COL25A1: variants seen among roughly 807,000 people sequenced by gnomAD.
The protein encoded by COL25A1 is collagen type XXV alpha 1 chain, also known as collagen alpha-1(XXV) chain.
A neutral mutation model predicts 128.4 loss-of-function variants in COL25A1; 103 were observed. The ratio of observed to expected loss-of-function variants is 0.80; its 90% CI spans 0.68 to 0.94. The LOEUF is 0.94. COL25A1 is among the 40% of genes least tolerant of loss of function. The probability of loss-of-function intolerance (pLI) is 0.00; values close to 1 mark genes in which losing one functional copy is unlikely to be tolerated. For synonymous variants in COL25A1, 279 were observed against 277.2 expected (o/e 1.01, Z -0.06); for missense variants, 745 against 840.0 (o/e 0.89, Z 1.40).
chr4:109,280,329 C>T (rs977086629), intron 3 of COL25A1, among the ~76,000 whole-genome samples: 1 of 152,142 alleles, frequency 6.6e-6, no homozygotes, highest in Non-Finnish European at 1.5e-5. Context: ...GATGAGACAG[C>T]GTCATCTATA....
intron 4 of COL25A1, 115 bp downstream of exon 4, chr4:109,050,020 T>C: frequency 5.4e-6 from 4 of 739,030 alleles, no homozygotes; most frequent in South Asian, 4.6e-5. Context: ...CAGAGAAAGA[T>C]TTAAACACAC....
chr4:109,218,280 T>G (rs1046575694), intron 3 of COL25A1, among the ~76,000 whole-genome samples: 46 of 151,384 alleles, frequency 3.0e-4, no homozygotes, highest in African/African-American at 1.1e-3. Flanking sequence ...TTAGGAGACA[T>G]GACTTATTAA....
At chr4:108,850,866 T>C (rs1735685949) in intron 26 of COL25A1, among the ~76,000 whole-genome samples, 1 of 152,144 alleles carries the variant, frequency 6.6e-6, no homozygotes, top group Non-Finnish European at 1.5e-5. Context: ...ATTTTTTACC[T>C]AGGAGGTCCT....
intron 31 of COL25A1, among the ~76,000 whole-genome samples, chr4:108,837,450 G>A (rs1488962317): frequency 6.6e-6 from 1 of 152,136 alleles, no homozygotes; most frequent in African/African-American, 2.4e-5. Context: ...TGGAAAGAAG[G>A]CTGACATAAA....
chr4:109,296,882 A>T (rs1018103086), intron 3 of COL25A1, among the ~76,000 whole-genome samples: 1 of 152,140 alleles, frequency 6.6e-6, no homozygotes, highest in African/African-American at 2.4e-5. Context: ...GTTGAAACAT[A>T]AAAACCTTCT....
intron 3 of COL25A1, among the ~76,000 whole-genome samples, chr4:109,133,946 T>A (rs559227825): frequency 6.6e-6 from 1 of 152,180 alleles, no homozygotes; most frequent in African/African-American, 2.4e-5. Flanking sequence ...CAAAATTCTA[T>A]GTAAACGCAT....
At chr4:109,069,814 C>T (rs1439509469) in intron 3 of COL25A1, among the ~76,000 whole-genome samples, 1 of 152,090 alleles carries the variant, frequency 6.6e-6, no homozygotes, top group Non-Finnish European at 1.5e-5. Context: ...AAGCTGCTGG[C>T]TTCTAAACAT....
intron 24 of COL25A1, chr4:108,853,960 A>C (rs1319505055): frequency 6.6e-6 from 1 of 152,200 alleles, no homozygotes; most frequent in African/African-American, 2.4e-5. Context: ...TATTGTGAAT[A>C]GTGCTGCAAT....
At chr4:109,161,128 C>T (rs1772538604) in intron 3 of COL25A1, among the ~76,000 whole-genome samples, 1 of 152,082 alleles carries the variant, frequency 6.6e-6, no homozygotes, top group African/African-American at 2.4e-5. Flanking sequence ...ATGGCCTCAA[C>T]TATTTTATAT....
At position 108,860,184 on chromosome 4, in the gene COL25A1, T is replaced by A. The variant is rs532825067; in HGVS notation, c.1243-451A>T. 3.0e-4 allele frequency among the ~76,000 whole-genome samples: 45 copies of A among 152,316 alleles called. 1 individual carries two copies. Among genetic ancestry groups the A allele is most frequent in the Admixed American group, 3.9e-4 (6 of 15,302 alleles). On this transcript the variant is annotated intron_variant, in intron 23 of 37. Transcript: ENST00000399132. Reference sequence around the variant, plus strand: ...TGGAATGCAGTAGCGTGATCTCGGCTCACTGCAACCTCTGCCTCCTGTGTT... The same window carrying A: ...TGGAATGCAGTAGCGTGATCTCGGCACACTGCAACCTCTGCCTCCTGTGTT...
intron 3 of COL25A1, among the ~76,000 whole-genome samples, chr4:109,212,406 T>C (rs139492478): frequency 6.6e-6 from 1 of 152,142 alleles, no homozygotes; most frequent in Non-Finnish European, 1.5e-5. Flanking sequence ...ATTATTATGA[T>C]ATAGAGGCTG....
intron 13 of COL25A1, among the ~76,000 whole-genome samples, chr4:108,901,843 T>C (rs6850628): frequency 0.02 from 2,996 of 152,136 alleles, 98 homozygotes; most frequent in African/African-American, 0.066. Flanking sequence ...TGATGATGTA[T>C]ACCAGTCTTT....
intron 36 of COL25A1, among the ~76,000 whole-genome samples, chr4:108,818,022 C>A (rs945636590): frequency 6.6e-6 from 1 of 152,002 alleles, no homozygotes; most frequent in African/African-American, 2.4e-5. Flanking sequence ...CAGCATTTAT[C>A]GATTTCTCTA....
chr4:108,837,586 C>A (rs1002121884), intron 31 of COL25A1, among the ~76,000 whole-genome samples: 1 of 152,268 alleles, frequency 6.6e-6, no homozygotes, highest in South Asian at 2.1e-4. Context: ...ATTTTCAAAA[C>A]AAACAACATA....
chr4:109,084,174 T>C (rs1379319370), intron 3 of COL25A1, among the ~76,000 whole-genome samples: 1 of 152,124 alleles, frequency 6.6e-6, no homozygotes, highest in Non-Finnish European at 1.5e-5. Context: ...CTGTATTAAT[T>C]TGTCCCATCT....
At chr4:109,056,536 G>A (rs1006251047) in intron 3 of COL25A1, among the ~76,000 whole-genome samples, 2 of 151,810 alleles carry the variant, frequency 1.3e-5, no homozygotes, top group Non-Finnish European at 2.9e-5. Context: ...AGGGATTTAT[G>A]CTAATTCCAC....
intron 11 of COL25A1, 81 bp downstream of exon 11, chr4:108,937,727 G>T: frequency 1.7e-6 from 2 of 1,190,126 alleles, no homozygotes; most frequent in South Asian, 1.4e-5. Context: ...TCATATGACA[G>T]ATACATTCAT....
intron 20 of COL25A1, among the ~76,000 whole-genome samples, chr4:108,868,781 AGAAAGGAAG>A (rs1326625884): frequency 1.4e-5 from 2 of 147,484 alleles, no homozygotes; most frequent in Admixed American, 6.7e-5. Flanking sequence ...AAGGGAAGGA[AGAAAGGAAG>A]GAAAGGAAGG....
intron 31 of COL25A1, among the ~76,000 whole-genome samples, chr4:108,835,859 G>GTTTTTTTTTT (rs1560721327): frequency 2.2e-5 from 2 of 89,518 alleles, no homozygotes; most frequent in African/African-American, 4.2e-5. Flanking sequence ...GCTTACATAC[G>GTTTTTTTTTT]TCTTTTTTTT....
Sources: allele counts gnomAD v4.1 joint callset (sites outside exome capture counted in the v4.1 genomes callset), GRCh38; gene constraint gnomAD v4.1.1; transcripts MANE v1.5; gene names NCBI Gene and HGNC (gene_info 2026-07-23, HGNC 2026-07-21).